Variants in ARHGEF28 observed in about 807,000 individuals in gnomAD.
ARHGEF28 encodes the protein Rho guanine nucleotide exchange factor 28, also known as 190 kDa guanine nucleotide exchange factor.
In ARHGEF28, 152 loss-of-function variants were observed where a neutral mutation model predicts 206.6. That is an observed-to-expected ratio of 0.74 (90% CI 0.64 to 0.84). The LOEUF is 0.84. Ranked by LOEUF, ARHGEF28 falls within the 40% of genes least tolerant of loss-of-function variation. ARHGEF28 has a pLI of 0.00. For missense variants in ARHGEF28, 2,028 were observed against 2,073.2 expected, an observed-to-expected ratio of 0.98 and a Z score of 0.42; for synonymous variants, 763 against 776.4, an observed-to-expected ratio of 0.98 and a Z score of 0.29.
Position 73,882,525 on chromosome 5 carries a change from C to T in ARHGEF28, c.2868C>T (p.Cys956=), listed in dbSNP as rs2112665573. The part of the protein sequence containing the change: ...KMKKIYGEFC[C]HHKEAVNLFK... ...AGAAAATATATGGAGAATTCTGTTG[C>T]CATCATAAAGAAGCTGTTAACCTCT... The change falls in exon 23 of 36, where the codon TGC becomes TGT. Residue 956 remains cysteine, a synonymous_variant. Coordinates refer to ENST00000513042, the MANE Select transcript of ARHGEF28 (RefSeq NM_001177693.2). The T allele has an allele frequency of 6.6e-7, 1 of 1,506,246 alleles. No individual in the cohort carries two copies. Among genetic ancestry groups the T allele is most frequent in the Non-Finnish European group, 9.0e-7 (1 of 1,115,898 alleles). The allele number at this position is 1,506,246 out of a possible 1,614,324, so 93.3% of individuals were successfully genotyped here.
chr5:73,688,108 T>C (rs907113651), intron 2 of ARHGEF28, among the ~76,000 whole-genome samples: 2 of 152,178 alleles, frequency 1.3e-5, no homozygotes, highest in African/African-American at 2.4e-5. Context: ...GGAGGCTATA[T>C]TAAAATTATA....
At chr5:73,627,757 A>G (rs1327663246) in intron 1 of ARHGEF28, among the ~76,000 whole-genome samples, 1 of 152,250 alleles carries the variant, frequency 6.6e-6, no homozygotes, top group Non-Finnish European at 1.5e-5. Flanking sequence ...GAATTTGGCT[A>G]GCATCAGATC....
chr5:73,777,845 C>G (rs1229113588), intron 6 of ARHGEF28, among the ~76,000 whole-genome samples: 1 of 151,978 alleles, frequency 6.6e-6, no homozygotes, highest in Non-Finnish European at 1.5e-5. Flanking sequence ...CTTTGGGTAG[C>G]CGAGGTGGGT....
chr5:73,919,949 CTT>C (rs533980252), intron 35 of ARHGEF28, among the ~76,000 whole-genome samples: 1 of 152,302 alleles, frequency 6.6e-6, no homozygotes, highest in East Asian at 1.9e-4. Context: ...ATATTTCTCT[CTT>C]GTTAACTGCT....
intron 16 of ARHGEF28, among the ~76,000 whole-genome samples, chr5:73,859,477 C>G (rs1243443575): frequency 1.3e-5 from 2 of 152,204 alleles, no homozygotes; most frequent in Admixed American, 1.3e-4. Context: ...AGCTGGACAT[C>G]TGATCAAAAT....
chr5:73,829,655 C>T (rs1406539554), intron 9 of ARHGEF28, among the ~76,000 whole-genome samples: 1 of 152,122 alleles, frequency 6.6e-6, no homozygotes, highest in Non-Finnish European at 1.5e-5. Flanking sequence ...GCTGAGATTA[C>T]AGGCGTGAGC....
At chr5:73,629,367 G>A (rs1743216956) in intron 1 of ARHGEF28, among the ~76,000 whole-genome samples, 1 of 152,010 alleles carries the variant, frequency 6.6e-6, no homozygotes, top group Non-Finnish European at 1.5e-5. Flanking sequence ...AGGCATGGTG[G>A]TGTGTGGTGT....
chr5:73,744,274 C>T (rs1221908106), intron 2 of ARHGEF28, among the ~76,000 whole-genome samples: 1 of 152,104 alleles, frequency 6.6e-6, no homozygotes, highest in Non-Finnish European at 1.5e-5. Context: ...TACTTTGTGC[C>T]CACGGTGCTT....
chr5:73,686,045 C>T (rs17552213), intron 2 of ARHGEF28, among the ~76,000 whole-genome samples: 8 of 152,052 alleles, frequency 5.3e-5, no homozygotes, highest in Admixed American at 1.3e-4. Context: ...ATGACACATA[C>T]TTCTCTGGAG....
chr5:73,838,465 G>C (rs1381345416), intron 10 of ARHGEF28, among the ~76,000 whole-genome samples: 3 of 152,108 alleles, frequency 2.0e-5, no homozygotes, highest in African/African-American at 7.2e-5. Context: ...CAACCTTCCT[G>C]TTGAGAAAAT....
At chr5:73,789,330 C>G (rs1580619870) in intron 7 of ARHGEF28, among the ~76,000 whole-genome samples, 1 of 152,086 alleles carries the variant, frequency 6.6e-6, no homozygotes, top group African/African-American at 2.4e-5. Flanking sequence ...TATGAAATAT[C>G]CAGAATAGGC....
At chr5:73,903,279 T>C (rs144915921) in intron 31 of ARHGEF28, 19 of 152,308 alleles carry the variant, frequency 1.2e-4, no homozygotes, top group African/African-American at 4.6e-4. Context: ...TGGTCTCCCA[T>C]AGCGTAAGGT....
chr5:73,894,686 C>A, intron 29 of ARHGEF28, 111 bp downstream of exon 29: 1 of 1,273,606 alleles, frequency 7.9e-7, no homozygotes, highest in Non-Finnish European at 1.1e-6. Context: ...CAGAACAAGA[C>A]AAGGTCCTTA....
chr5:73,801,030 A>C (rs913544290), intron 9 of ARHGEF28, among the ~76,000 whole-genome samples: 13 of 152,226 alleles, frequency 8.5e-5, no homozygotes, highest in Non-Finnish European at 1.5e-4. Flanking sequence ...CAACCAGATA[A>C]TAGAACTAAT....
chr5:73,868,313 A>ATT, intron 20 of ARHGEF28, 86 bp downstream of exon 20: 7 of 1,331,728 alleles, frequency 5.3e-6, no homozygotes, highest in South Asian at 1.7e-5. Flanking sequence ...AGATTGAAGC[A>ATT]TTTTTTTTTT....
chr5:73,829,461 A>G (rs1440859646), intron 9 of ARHGEF28, among the ~76,000 whole-genome samples: 1 of 151,924 alleles, frequency 6.6e-6, no homozygotes, highest in Non-Finnish European at 1.5e-5. Flanking sequence ...GCTCACTGCA[A>G]CCTCCATCTC....
chr5:73,659,706 A>G (rs1464703068), intron 1 of ARHGEF28, among the ~76,000 whole-genome samples: 1 of 152,204 alleles, frequency 6.6e-6, no homozygotes, highest in African/African-American at 2.4e-5. Flanking sequence ...ACATCACCAC[A>G]ATAAAGGAAA....
chr5:73,652,879 A>G (rs1561310525), intron 1 of ARHGEF28, among the ~76,000 whole-genome samples: 1 of 152,160 alleles, frequency 6.6e-6, no homozygotes, highest in Non-Finnish European at 1.5e-5. Context: ...GAGGAACCCA[A>G]ATCTCCTCAT....
At chr5:73,831,620 C>T (rs1281844521) in intron 9 of ARHGEF28, among the ~76,000 whole-genome samples, 2 of 152,178 alleles carry the variant, frequency 1.3e-5, no homozygotes, top group African/African-American at 4.8e-5. Flanking sequence ...GATCACAGTA[C>T]AGTCACTAAT....
Sources: gnomAD v4.1 joint callset for allele counts (sites outside exome capture counted in the v4.1 genomes callset) on GRCh38, gnomAD v4.1.1 for gene constraint, MANE v1.5 for transcripts, NCBI Gene and HGNC (gene_info 2026-07-23, HGNC 2026-07-21) for gene names.